The following DSCAML1 variants were observed in gnomAD, a reference collection of about 807,000 sequenced individuals.
DSCAML1 encodes DS cell adhesion molecule like 1, also known as cell adhesion molecule DSCAML1.
A neutral mutation model predicts 200.5 loss-of-function variants in DSCAML1; 38 were observed. That is an observed-to-expected ratio of 0.19 (90% CI 0.15 to 0.25). DSCAML1 has a LOEUF of 0.25. Ranked by LOEUF, DSCAML1 falls within the 10% of genes least tolerant of loss-of-function variation. DSCAML1 has a pLI of 1.00. For synonymous variants in DSCAML1, 1,215 were observed against 1,165.0 expected (o/e 1.04, Z -0.87); for missense variants, 2,223 against 2,858.8 (o/e 0.78, Z 5.07).
At chr11:117,620,218 A>C (rs1471879403) in intron 3 of DSCAML1, among the ~76,000 whole-genome samples, 1 of 152,164 alleles carries the variant, frequency 6.6e-6, no homozygotes, top group Non-Finnish European at 1.5e-5. Flanking sequence ...TAGATGAGGA[A>C]GCAGCTCCAG....
chr11:117,510,304 C>T lies in DSCAML1; in HGVS notation c.1784-4572G>A, dbSNP rs73581812. Among the ~76,000 whole-genome samples, 312 of 152,294 alleles carry T rather than the reference C, an allele frequency of 2.0e-3. 2 individuals carry two copies. Among genetic ancestry groups the T allele is most frequent in the African/African-American group, 7.3e-3 (305 of 41,564 alleles). On this transcript the variant is annotated intron_variant, in intron 8 of 32. Coordinates refer to ENST00000651296, the MANE Select transcript of DSCAML1 (RefSeq NM_020693.4). ...TGGGGCACTAGCCATGCCTGGAACC[C>T]AAAACACCCGGTTCCAGACTCTGCT...
chr11:117,734,170 G>A (rs2054277460), intron 3 of DSCAML1, among the ~76,000 whole-genome samples: 1 of 152,172 alleles, frequency 6.6e-6, no homozygotes, highest in Non-Finnish European at 1.5e-5. Flanking sequence ...CACCTCTTTG[G>A]TCACTCCTCT....
intron 3 of DSCAML1, among the ~76,000 whole-genome samples, chr11:117,606,081 A>G (rs1345549450): frequency 6.6e-6 from 1 of 152,120 alleles, no homozygotes. Context: ...ACTTTTGGGT[A>G]TGTGGGAAAT....
chr11:117,532,968 T>TA (rs35256328), intron 3 of DSCAML1, among the ~76,000 whole-genome samples: 213 of 142,814 alleles, frequency 1.5e-3, no homozygotes, highest in Middle Eastern at 7.2e-3. Flanking sequence ...CCCTGTCTAT[T>TA]AAAAAAAAAA....
In DSCAML1 at chr11:117,490,425, G is replaced by T. The variant is rs143077538; in HGVS notation, c.2360-8263C>A. ...CACACACTTTCTGACCAACCCCCAG[G>T]CGTGGAGGTAGAGTTCTAGGGGTCC... On this transcript the variant is annotated intron_variant, in intron 11 of 32. Transcript: ENST00000651296. Among the ~76,000 whole-genome samples, 3 of 152,238 alleles carry T rather than the reference G, an allele frequency of 2.0e-5. No homozygotes were observed. In the East Asian group the frequency reaches 5.8e-4, roughly 29 times the overall value.
chr11:117,442,277 T>C (rs2048076796), intron 21 of DSCAML1, among the ~76,000 whole-genome samples: 1 of 151,222 alleles, frequency 6.6e-6, no homozygotes, highest in African/African-American at 2.4e-5. Context: ...TATTAGTGTG[T>C]ATAGTGTGTA....
intron 1 of DSCAML1, among the ~76,000 whole-genome samples, chr11:117,806,342 A>G (rs2055707188): frequency 6.6e-6 from 1 of 152,172 alleles, no homozygotes; most frequent in Non-Finnish European, 1.5e-5. Context: ...GCCTGACTCT[A>G]TGGTGTGTCT....
intron 3 of DSCAML1, among the ~76,000 whole-genome samples, chr11:117,573,209 A>G (rs1419590914): frequency 6.6e-6 from 1 of 152,246 alleles, no homozygotes; most frequent in East Asian, 1.9e-4. Flanking sequence ...GCTGCAGATC[A>G]TACGCAGAGT....
intron 3 of DSCAML1, among the ~76,000 whole-genome samples, chr11:117,726,214 T>C (rs1255815506): frequency 6.6e-6 from 1 of 152,144 alleles, no homozygotes; most frequent in Non-Finnish European, 1.5e-5. Context: ...TAATAATCGC[T>C]ACTTTGTAAA....
intron 3 of DSCAML1, among the ~76,000 whole-genome samples, chr11:117,666,154 T>C (rs532788483): frequency 1.3e-5 from 2 of 152,240 alleles, no homozygotes; most frequent in South Asian, 4.1e-4. Context: ...GAGAGGGGCA[T>C]GGATCTCAGA....
At chr11:117,619,001 C>A in intron 3 of DSCAML1, among the ~76,000 whole-genome samples, 1 of 152,224 alleles carries the variant, frequency 6.6e-6, no homozygotes, top group East Asian at 1.9e-4. Flanking sequence ...TTCCCCAACG[C>A]ACCCAGCCCC....
chr11:117,648,990 G>C (rs2137613685), intron 3 of DSCAML1, among the ~76,000 whole-genome samples: 1 of 151,482 alleles, frequency 6.6e-6, no homozygotes, highest in Admixed American at 6.6e-5. Context: ...GGATTGTTCT[G>C]AATGCTTTAC....
Position 117,776,845 on chromosome 11 carries a change from G to C in DSCAML1, c.457C>G (p.Gln153Glu). The C allele has an allele frequency of 6.2e-7, 1 of 1,614,188 alleles. No individual in the cohort carries two copies. The highest frequency in any genetic ancestry group is 1.7e-4 in the Middle Eastern group (1 of 6,058). The change falls in exon 3 of 33, where the codon CAG becomes GAG. Residue 153 changes from glutamine to glutamate, a missense_variant. This residue lies in a region of DSCAML1 where 579 missense variants were observed against 721.5 expected (regional missense o/e 0.80). Coordinates refer to ENST00000651296, the MANE Select transcript of DSCAML1 (RefSeq NM_020693.4). ...CAAGATACAACGCTAACATATTCCT[G>C]CACTGAAGAGGGGATGAGGCACTTG... Reference protein sequence around the residue: ...VFKCLIPSSVQEYVSVVSWEK... With the variant: ...VFKCLIPSSVEEYVSVVSWEK...
chr11:117,601,688 T>G (rs1480204243), intron 3 of DSCAML1, among the ~76,000 whole-genome samples: 1 of 152,308 alleles, frequency 6.6e-6, no homozygotes, highest in South Asian at 2.1e-4. Flanking sequence ...TGAGAATAAG[T>G]GCTGATTATA....
At chr11:117,449,273 G>T (rs377702840) in intron 20 of DSCAML1, among the ~76,000 whole-genome samples, 1 of 152,102 alleles carries the variant, frequency 6.6e-6, no homozygotes, top group Non-Finnish European at 1.5e-5. Flanking sequence ...TGCTCTGGGC[G>T]CTGCTGCTTG....
At chr11:117,634,522 G>A (rs1369713993) in intron 3 of DSCAML1, among the ~76,000 whole-genome samples, 1 of 152,212 alleles carries the variant, frequency 6.6e-6, no homozygotes, top group African/African-American at 2.4e-5. Flanking sequence ...GCTGCAAGAT[G>A]TGGCGGGCCT....
chr11:117,606,126 G>C (rs2051561994), intron 3 of DSCAML1, among the ~76,000 whole-genome samples: 4 of 152,168 alleles, frequency 2.6e-5, no homozygotes, highest in Admixed American at 1.3e-4. Context: ...ACCCCATAGA[G>C]CCGTGGCGAC....
At chr11:117,539,205 A>T (rs1311544696) in intron 3 of DSCAML1, among the ~76,000 whole-genome samples, 1 of 152,226 alleles carries the variant, frequency 6.6e-6, no homozygotes, top group African/African-American at 2.4e-5. Context: ...CACCTTCTTC[A>T]GGAAGCCTTC....
rs1427760467 is a variant in DSCAML1, at chr11:117,464,981, G to T, written c.3226C>A (p.Pro1076Thr). 2 of 1,613,976 alleles carry T rather than the reference G, an allele frequency of 1.2e-6. No individual in the cohort carries two copies. The highest frequency in any genetic ancestry group is 2.7e-5 in the African/African-American group (2 of 74,916). Residue 1076 changes from proline (P) to threonine (T), a missense_variant, in exon 17 of 33, where the codon CCC (proline) becomes ACC (threonine). Around this residue, in one of 7 missense-constraint regions of DSCAML1, gnomAD observed 438 missense variants for 629.7 expected, o/e 0.70. Coordinates refer to ENST00000651296, the MANE Select transcript of DSCAML1 (RefSeq NM_020693.4). The stretch of plus-strand genomic sequence containing the variant: ...GTGGCATTGATCTCGCTGGAAGAGG[G>T]CCCCGTGCCAGCCCGATTGAAGGCT... ...VQAFNRAGTG[P>T]SSSEINATTL...
Sources: gnomAD v4.1 joint callset for allele counts (sites outside exome capture counted in the v4.1 genomes callset) on GRCh38, gnomAD v4.1.1 for gene constraint, gnomAD v4.1.1 regional missense constraint, MANE v1.5 for transcripts, NCBI Gene and HGNC (gene_info 2026-07-23, HGNC 2026-07-21) for gene names.